Variants in ATRNL1 observed in about 807,000 individuals in gnomAD.
ATRNL1 encodes the protein attractin-like protein 1.
In ATRNL1, 95 loss-of-function variants were observed where a neutral mutation model predicts 182.7. The observed-to-expected ratio is 0.52, with a 90% CI of 0.44 to 0.62. The LOEUF (loss-of-function observed/expected upper bound fraction) is 0.62. Among genes scored for constraint, ATRNL1 ranks in the 20% least tolerant of loss-of-function variants. ATRNL1 has a pLI of 0.00. For missense variants in ATRNL1, 1,471 were observed against 1,679.5 expected (o/e 0.88, Z 2.17); for synonymous variants, 576 against 568.3 (o/e 1.01, Z -0.19).
intron 3 of ATRNL1, among the ~76,000 whole-genome samples, chr10:115,122,225 G>A (rs1554871870): frequency 6.6e-6 from 1 of 151,654 alleles, no homozygotes; most frequent in African/African-American, 2.4e-5. Context: ...AAAGGGTTAA[G>A]TTATGCTTTG....
chr10:115,571,385 G>A (rs2804179), intron 26 of ATRNL1, among the ~76,000 whole-genome samples: 135,023 of 152,206 alleles, frequency 0.89, 61,240 homozygotes, highest in Non-Finnish European at 0.98. Flanking sequence ...CCAGATAGCT[G>A]TTAGGTCATT....
chr10:115,191,321 A>G (rs963141995), intron 8 of ATRNL1, among the ~76,000 whole-genome samples: 1 of 152,050 alleles, frequency 6.6e-6, no homozygotes, highest in Non-Finnish European at 1.5e-5. Context: ...GTACTAATTT[A>G]TGTTCTCACC....
intron 19 of ATRNL1, among the ~76,000 whole-genome samples, chr10:115,383,741 TAAC>T (rs1554951841): frequency 6.6e-6 from 1 of 151,026 alleles, no homozygotes; most frequent in Non-Finnish European, 1.5e-5. Flanking sequence ...ATGTCATTTA[TAAC>T]AAATTATGCT....
chr10:115,236,709 A>G (rs1850200534), intron 9 of ATRNL1, among the ~76,000 whole-genome samples: 1 of 152,124 alleles, frequency 6.6e-6, no homozygotes, highest in African/African-American at 2.4e-5. Context: ...TTACGTGAAT[A>G]TGGTACATTT....
chr10:115,523,390 T>C (rs1851053725), intron 25 of ATRNL1, among the ~76,000 whole-genome samples: 1 of 152,212 alleles, frequency 6.6e-6, no homozygotes, highest in African/African-American at 2.4e-5. Context: ...CTTTTATTCA[T>C]GCTACTTTCT....
intron 28 of ATRNL1, among the ~76,000 whole-genome samples, chr10:115,867,603 CCT>C (rs1221006557): frequency 2.1e-4 from 32 of 152,162 alleles, no homozygotes; most frequent in African/African-American, 7.2e-4. Context: ...CTTGTTCAGC[CCT>C]CTGTCTTGTG....
intron 17 of ATRNL1, among the ~76,000 whole-genome samples, chr10:115,305,071 C>A (rs76949951): frequency 1.4e-3 from 219 of 151,488 alleles, no homozygotes; most frequent in Non-Finnish European, 2.4e-3. Flanking sequence ...TATGTTGAAG[C>A]CTGTAAGTGT....
At chr10:115,134,651 T>C (rs1189596563) in intron 5 of ATRNL1, among the ~76,000 whole-genome samples, 3 of 152,160 alleles carry the variant, frequency 2.0e-5, no homozygotes, top group South Asian at 2.1e-4. Flanking sequence ...TTTCAATCAA[T>C]AGAAAAAGAG....
intron 3 of ATRNL1, among the ~76,000 whole-genome samples, chr10:115,122,725 G>A (rs1187342645): frequency 6.6e-6 from 1 of 151,794 alleles, no homozygotes; most frequent in Non-Finnish European, 1.5e-5. Context: ...AAAATGTAAC[G>A]ACTTGTATTT....
At chr10:115,836,581 A>G (rs1555095530) in intron 27 of ATRNL1, among the ~76,000 whole-genome samples, 1 of 152,178 alleles carries the variant, frequency 6.6e-6, no homozygotes, top group Non-Finnish European at 1.5e-5. Context: ...TTGTAGATGC[A>G]TCACTGCAGT....
At chr10:115,148,216 A>G (rs1359722129) in intron 5 of ATRNL1, among the ~76,000 whole-genome samples, 1 of 151,948 alleles carries the variant, frequency 6.6e-6, no homozygotes, top group East Asian at 1.9e-4. Context: ...TAGCTATTGT[A>G]TTGCCTTCTT....
At chr10:115,451,371 C>A (rs577189893) in intron 21 of ATRNL1, among the ~76,000 whole-genome samples, 3 of 152,144 alleles carry the variant, frequency 2.0e-5, no homozygotes. Context: ...ATGCGTCTAT[C>A]AAAGATCTAA....
At chr10:115,688,302 T>TA (rs1946283875) in intron 26 of ATRNL1, among the ~76,000 whole-genome samples, 1 of 152,186 alleles carries the variant, frequency 6.6e-6, no homozygotes, top group Non-Finnish European at 1.5e-5. Context: ...ATCCCCTTGA[T>TA]ACACTGATTT....
chr10:115,811,468 G>A (rs1950045244), intron 27 of ATRNL1, among the ~76,000 whole-genome samples: 1 of 151,986 alleles, frequency 6.6e-6, no homozygotes, highest in African/African-American at 2.4e-5. Context: ...TGAATTGTCA[G>A]TTAGATTAGT....
At chr10:115,756,562 G>A (rs781835948) in intron 27 of ATRNL1, among the ~76,000 whole-genome samples, 15 of 152,232 alleles carry the variant, frequency 9.9e-5, no homozygotes, top group African/African-American at 1.2e-4. Flanking sequence ...TGCATCTGCC[G>A]AGGAGTGTTT....
At chr10:115,504,575 A>G (rs1352062143) in intron 24 of ATRNL1, among the ~76,000 whole-genome samples, 1 of 152,096 alleles carries the variant, frequency 6.6e-6, no homozygotes, top group Non-Finnish European at 1.5e-5. Flanking sequence ...CCAAATTTTG[A>G]CACTGTATAG....
At chr10:115,934,725 G>A (rs1565499374) in intron 28 of ATRNL1, among the ~76,000 whole-genome samples, 1 of 152,050 alleles carries the variant, frequency 6.6e-6, no homozygotes, top group African/African-American at 2.4e-5. Flanking sequence ...GTGTCTCTTT[G>A]AAATAAAAAT....
At chr10:115,330,500 A>T (rs1855155487) in intron 18 of ATRNL1, among the ~76,000 whole-genome samples, 1 of 151,792 alleles carries the variant, frequency 6.6e-6, no homozygotes. Flanking sequence ...GCTTTTGTTT[A>T]TCTGGGAATG....
chr10:115,452,282 G>A (rs1847318065), intron 21 of ATRNL1, among the ~76,000 whole-genome samples: 1 of 152,122 alleles, frequency 6.6e-6, no homozygotes, highest in Non-Finnish European at 1.5e-5. Context: ...TTATTGTGGA[G>A]GGGTTTTCAA....
Sources: gnomAD v4.1 joint callset for allele counts (sites outside exome capture counted in the v4.1 genomes callset) on GRCh38, gnomAD v4.1.1 for gene constraint, MANE v1.5 for transcripts, NCBI Gene and HGNC (gene_info 2026-07-23, HGNC 2026-07-21) for gene names.